FAM120B: variants seen among roughly 807,000 people sequenced by gnomAD.
The protein encoded by FAM120B is constitutive coactivator of peroxisome proliferator-activated receptor gamma.
In FAM120B, 83 loss-of-function variants were observed where a neutral mutation model predicts 96.3. The ratio of observed to expected loss-of-function variants is 0.86; its 90% confidence interval spans 0.72 to 1.03. The LOEUF (loss-of-function observed/expected upper bound fraction) is 1.03, where lower values mean the gene tolerates loss of function less well. Ranked by LOEUF, FAM120B falls within the 50% of genes least tolerant of loss-of-function variation. FAM120B has a pLI of 0.00. For missense variants in FAM120B, 1,027 were observed against 1,121.2 expected (o/e 0.92, Z 1.20); for synonymous variants, 407 against 402.7 (o/e 1.01, Z -0.13).
Position 170,318,405 on chromosome 6 carries a change from G to A in FAM120B, c.1015G>A (p.Glu339Lys), listed in dbSNP as rs1345089740. 19 of 1,614,090 alleles carry A rather than the reference G, an allele frequency of 1.2e-5. No individual in the cohort carries two copies. The highest frequency in any genetic ancestry group is 6.7e-5 in the East Asian group (3 of 44,876). The change falls in exon 2 of 11, where the codon GAA becomes AAA. Residue 339 changes from glutamate to lysine, a missense_variant. Physicochemically the swap from Glu to Lys is moderately conservative, Grantham distance 56. Around this residue, in one of 3 missense-constraint regions of FAM120B, gnomAD observed 880 missense variants for 980.9 expected, o/e 0.90. Transcript: ENST00000476287. ...CACGAGTTCAGACGCCGAATCCAGG[G>A]AAGAAGTTCCCATGTGTTCAGATGC... is the stretch of plus-strand genomic sequence containing the variant. ...ISTSSDAESR[E>K]EVPMCSDAES...
At chr6:170,387,054 A>T (rs908323190) in intron 6 of FAM120B, among the ~76,000 whole-genome samples, 5 of 152,226 alleles carry the variant, frequency 3.3e-5, no homozygotes, top group African/African-American at 9.6e-5. Context: ...CTTCTGTAGG[A>T]AATACACTTC....
chr6:170,396,776 C>T (rs1006183830), intron 9 of FAM120B, among the ~76,000 whole-genome samples: 1 of 152,200 alleles, frequency 6.6e-6, no homozygotes, highest in Admixed American at 6.5e-5. Context: ...TCCATTTGTG[C>T]AAGGATATTT....
Position 170,388,497 on chromosome 6 carries a change from A to G in FAM120B, c.2490+4A>G. On this transcript the variant is annotated splice_donor_region_variant and intron_variant, in intron 7 of 10. Transcript: ENST00000476287. ...GGAGGTTCTTTTAGAACAAAATGTG[A>G]GTTCACAGACACCTACCTTTCACCA... 1 of 1,612,962 alleles carries G rather than the reference A, an allele frequency of 6.2e-7. No individual in the cohort carries two copies. The highest frequency in any genetic ancestry group is 8.5e-7 in the Non-Finnish European group (1 of 1,178,922).
At chr6:170,393,968 C>T (rs1487494700) in intron 8 of FAM120B, among the ~76,000 whole-genome samples, 2 of 152,318 alleles carry the variant, frequency 1.3e-5, no homozygotes, top group East Asian at 3.9e-4. Flanking sequence ...CTCACAACTG[C>T]TCCAAGCTTG....
Position 170,396,864 on chromosome 6 carries a change from G to A in FAM120B, c.2692+1285G>A, listed in dbSNP as rs977844018. On this transcript the variant is annotated intron_variant, in intron 9 of 10. Coordinates refer to ENST00000476287, the MANE Select transcript of FAM120B (RefSeq NM_032448.3). The stretch of plus-strand genomic sequence containing the variant: ...CAGGGAACCCAAAAACAATGGGAGG[G>A]GTTTTGTAAACTTACGTAGACTCAG... Among the ~76,000 whole-genome samples, 7 of 152,346 alleles carry A rather than the reference G, an allele frequency of 4.6e-5. No individual in the cohort carries two copies. The East Asian group carries it at 1.2e-3, about 25-fold the overall frequency.
At chr6:170,383,086 C>A (rs1790004262) in intron 6 of FAM120B, among the ~76,000 whole-genome samples, 2 of 145,708 alleles carry the variant, frequency 1.4e-5, no homozygotes, top group Non-Finnish European at 1.5e-5. Context: ...CACTGGATAC[C>A]CATAAGCCAA....
At chr6:170,397,961 AC>A (rs1185195377) in intron 9 of FAM120B, among the ~76,000 whole-genome samples, 5 of 145,326 alleles carry the variant, frequency 3.4e-5, no homozygotes, top group African/African-American at 1.3e-4. Flanking sequence ...AAGAAAGGAG[AC>A]CTTCTGCTTA....
intron 2 of FAM120B, among the ~76,000 whole-genome samples, chr6:170,320,400 AT>A (rs1378513054): frequency 6.6e-6 from 1 of 152,198 alleles, no homozygotes; most frequent in Non-Finnish European, 1.5e-5. Flanking sequence ...CAGTGAGTGG[AT>A]TTAAAGTGGC....
chr6:170,382,228 C>A (rs1217182173), intron 6 of FAM120B, among the ~76,000 whole-genome samples: 2 of 152,062 alleles, frequency 1.3e-5, no homozygotes, highest in African/African-American at 4.8e-5. Context: ...CAAGACCAGC[C>A]TGCGCAACAT....
intron 9 of FAM120B, among the ~76,000 whole-genome samples, chr6:170,398,419 T>C (rs13213610): frequency 4.9e-5 from 4 of 81,352 alleles, no homozygotes; most frequent in South Asian, 8.5e-4. Flanking sequence ...ATGTCATAAC[T>C]CTTAGGAGTG....
chr6:170,303,244 C>CT (rs574946316), upstream of FAM120B, among the ~76,000 whole-genome samples: 739 of 152,102 alleles, frequency 4.9e-3, 9 homozygotes, highest in African/African-American at 0.017. Flanking sequence ...CTTTCTTTTC[C>CT]TTTTTTTGTG....
intron 4 of FAM120B, among the ~76,000 whole-genome samples, chr6:170,336,930 T>G (rs1449057637): frequency 6.6e-6 from 1 of 152,220 alleles, no homozygotes; most frequent in Non-Finnish European, 1.5e-5. Flanking sequence ...AAGGAGTTTT[T>G]GGGCTGAGAC....
Position 170,348,159 on chromosome 6 carries a change from C to T in FAM120B, c.2026C>T (p.Pro676Ser). The T allele has an allele frequency of 1.9e-6, 3 of 1,613,250 alleles. No individual in the cohort carries two copies. The South Asian group carries it at 3.3e-5, about 18-fold the overall frequency. The change falls in exon 5 of 11, where the codon CCT becomes TCT. Residue 676 changes from proline (P) to serine (S), a missense_variant. Transcript: ENST00000476287. ...PLQMTIPGGTPSLKILWLNQE... is the reference protein window; with the variant it reads ...PLQMTIPGGTSSLKILWLNQE... ...CTTTTTTTCTTAACTAGGGGGAACG[C>T]CTAGTTTGAAAATATTATGGCTGAA...
chr6:170,351,413 T>C (rs1483338882), intron 5 of FAM120B, among the ~76,000 whole-genome samples: 2 of 152,084 alleles, frequency 1.3e-5, no homozygotes, highest in Non-Finnish European at 2.9e-5. Flanking sequence ...CCTAGCAAGA[T>C]AGGCCAACAT....
intron 1 of FAM120B, among the ~76,000 whole-genome samples, chr6:170,310,309 C>A (rs755410037): frequency 1.3e-5 from 2 of 152,212 alleles, no homozygotes; most frequent in Non-Finnish European, 2.9e-5. Flanking sequence ...CTCTTTTATT[C>A]CTGATCCTCC....
chr6:170,345,208 G>T (rs1352763273), intron 4 of FAM120B, among the ~76,000 whole-genome samples: 2 of 152,118 alleles, frequency 1.3e-5, no homozygotes, highest in African/African-American at 4.8e-5. Context: ...GTTTATAAGT[G>T]TCCTTTATCC....
intron 3 of FAM120B, among the ~76,000 whole-genome samples, chr6:170,330,055 C>G (rs1476175455): frequency 6.6e-6 from 1 of 152,184 alleles, no homozygotes; most frequent in Non-Finnish European, 1.5e-5. Context: ...TCTTCTTTAC[C>G]TGGTCTTGCT....
intron 3 of FAM120B, among the ~76,000 whole-genome samples, chr6:170,328,232 T>C (rs1785736427): frequency 6.6e-6 from 1 of 152,234 alleles, no homozygotes; most frequent in African/African-American, 2.4e-5. Context: ...TTTTTAACTC[T>C]ACTTCCTGAA....
intron 1 of FAM120B, among the ~76,000 whole-genome samples, chr6:170,311,273 T>A (rs1784574446): frequency 1.3e-5 from 2 of 152,348 alleles, no homozygotes; most frequent in East Asian, 3.9e-4. Flanking sequence ...TTAGCATGGT[T>A]TGCCAGGCCT....
Sources: gnomAD v4.1 joint callset for allele counts (sites outside exome capture counted in the v4.1 genomes callset) on GRCh38, gnomAD v4.1.1 for gene constraint, gnomAD v4.1.1 regional missense constraint, MANE v1.5 for transcripts, NCBI Gene and HGNC (gene_info 2026-07-23, HGNC 2026-07-21) for gene names.